Variants in ARL5A observed in about 807,000 individuals in gnomAD.
ARL5A encodes the protein ARF like GTPase 5A.
A neutral mutation model predicts 25.9 loss-of-function variants in ARL5A; 18 were observed. The observed-to-expected ratio is 0.69, with a 90% CI of 0.48 to 1.03. The LOEUF is 1.03. Ranked by LOEUF, ARL5A falls within the 50% of genes least tolerant of loss-of-function variation. ARL5A has a pLI of 0.00. For missense variants in ARL5A, 170 were observed against 211.9 expected, an observed-to-expected ratio of 0.80 and a Z score of 1.23; for synonymous variants, 61 against 67.5, an observed-to-expected ratio of 0.90 and a Z score of 0.47.
chr2:151,812,415 G>T lies in ARL5A; in HGVS notation c.281C>A (p.Thr94Lys). The change falls in exon 4 of 6, where the codon ACA becomes AAA. Residue 94 changes from threonine to lysine, a missense_variant. Thr to Lys is a moderately conservative substitution (Grantham distance 78). Coordinates refer to ENST00000295087, the MANE Select transcript of ARL5A (RefSeq NM_012097.4). Reference sequence around the variant, plus strand: ...AGTTACAGAAATCCTCTCTCTGTCTGTACTGTCCACAACAACTATTACAAA... The same window carrying T: ...AGTTACAGAAATCCTCTCTCTGTCTTTACTGTCCACAACAACTATTACAAA... ...TEFVIVVVDS[T>K]DRERISVTRE... 3 of 1,601,724 alleles carry T rather than the reference G, an allele frequency of 1.9e-6. No homozygotes were observed. The highest frequency in any genetic ancestry group is 2.6e-6 in the Non-Finnish European group (3 of 1,175,754).
Position 151,818,354 on chromosome 2 carries a change from C to T in ARL5A, c.47-3155G>A, listed in dbSNP as rs188219671. On this transcript the variant is annotated intron_variant, in intron 1 of 5. Coordinates refer to ENST00000295087, the MANE Select transcript of ARL5A (RefSeq NM_012097.4). ...ATTGCAGTATCACAATCACGGCTCA[C>T]TGTTGCCTCAACCTCCCAGGCTCAA... is the stretch of plus-strand genomic sequence containing the variant. Among the ~76,000 whole-genome samples the T allele has an allele frequency of 3.3e-4, 50 of 152,292 alleles. 1 individual carries two copies. The East Asian group carries it at 8.3e-3, about 25-fold the overall frequency.
At position 151,816,935 on chromosome 2, in the gene ARL5A, T is replaced by C. The variant is rs557407697; in HGVS notation, c.47-1736A>G. 1.9e-4 allele frequency among the ~76,000 whole-genome samples: 29 copies of C among 152,296 alleles called. No homozygotes were observed. The Middle Eastern group carries it at 0.014, about 71-fold the overall frequency. ...GGCTAATGTCTGTGTATTGAGCACA[T>C]TTAAGGTAGGCTAGGCTAAGCTATG... On this transcript the variant is annotated intron_variant, in intron 1 of 5. Coordinates refer to ENST00000295087, the MANE Select transcript of ARL5A (RefSeq NM_012097.4).
At chr2:151,809,600 G>C (rs575765341) in intron 4 of ARL5A, among the ~76,000 whole-genome samples, 3 of 152,228 alleles carry the variant, frequency 2.0e-5, no homozygotes, top group East Asian at 3.9e-4. Flanking sequence ...CTTAACAAGA[G>C]GTCAAAGTAT....
chr2:151,820,829 C>T (rs923891437), intron 1 of ARL5A, among the ~76,000 whole-genome samples: 4 of 152,052 alleles, frequency 2.6e-5, no homozygotes, highest in South Asian at 2.1e-4. Context: ...TAAGAATGTC[C>T]GGAAGTCCTA....
At chr2:151,814,099 T>C (rs2099831185) in intron 3 of ARL5A, 70 bp downstream of exon 3, 3 of 1,361,428 alleles carry the variant, frequency 2.2e-6, no homozygotes, top group Non-Finnish European at 9.9e-7. Flanking sequence ...AGATTAACTA[T>C]AAGGACTCAA....
At chr2:151,804,412 A>C (rs1259901798) in intron 5 of ARL5A, among the ~76,000 whole-genome samples, 1 of 152,218 alleles carries the variant, frequency 6.6e-6, no homozygotes, top group Non-Finnish European at 1.5e-5. Context: ...TGCAGACATA[A>C]AAAACTATGT....
chr2:151,810,007 C>T (rs550770688), intron 4 of ARL5A, among the ~76,000 whole-genome samples: 1 of 152,214 alleles, frequency 6.6e-6, no homozygotes, highest in South Asian at 2.1e-4. Context: ...TGCTTGAACC[C>T]AGAAGATGGA....
rs142135903 is a variant in ARL5A, at chr2:151,821,126, T to C, written c.47-5927A>G. ...GCTGCTCTACTCAGTCTCTAGAACA[T>C]GTCATAAACTTTCCAATCATTTAAC... On this transcript the variant is annotated intron_variant, in intron 1 of 5. Transcript: ENST00000295087. 9.9e-3 allele frequency among the ~76,000 whole-genome samples: 1,502 copies of C among 152,328 alleles called. 10 individuals are homozygous for C. Among genetic ancestry groups the C allele is most frequent in the South Asian group, 0.018 (89 of 4,828 alleles).
intron 1 of ARL5A, among the ~76,000 whole-genome samples, chr2:151,821,653 A>G (rs1045948448): frequency 3.9e-5 from 6 of 152,106 alleles, no homozygotes; most frequent in African/African-American, 1.4e-4. Context: ...TGCCCAGGCT[A>G]GAGTGCAGTG....
At chr2:151,818,963 G>A (rs76427378) in intron 1 of ARL5A, among the ~76,000 whole-genome samples, 3,714 of 151,900 alleles carry the variant, frequency 0.024, 171 homozygotes, top group African/African-American at 0.085. Context: ...TATTAGCTAC[G>A]GGGCAGAATT....
intron 1 of ARL5A, among the ~76,000 whole-genome samples, chr2:151,824,140 C>A (rs944949850): frequency 6.6e-6 from 1 of 152,120 alleles, no homozygotes; most frequent in Admixed American, 6.6e-5. Context: ...CTTCGAGTAC[C>A]CATGCAAAGA....
rs1300034636 is a variant in ARL5A at position 151,801,210 on chromosome 2, T to C, written c.*2066A>G. 1.3e-5 allele frequency: 2 copies of C among 152,584 alleles called. No individual in the cohort carries two copies. The highest frequency in any genetic ancestry group is 2.9e-5 in the Non-Finnish European group (2 of 68,008). 9.5% of individuals were successfully genotyped at this position (152,584 alleles called of 1,614,324 possible). A position where few individuals can be genotyped will look rare whatever the true frequency, so the allele number is the denominator to read the frequency against. On this transcript the variant is annotated 3_prime_UTR_variant, in exon 6 of 6. Coordinates refer to ENST00000295087, the MANE Select transcript of ARL5A (RefSeq NM_012097.4). ...TCATGATGTCATGTCAATAATCCAC[T>C]ACACTAAACCAACTGTAACAAGGTA...
rs1578375635 is a variant in ARL5A, at chr2:151,812,522, G to T, written c.256-82C>A. On this transcript the variant is annotated intron_variant, in intron 3 of 5. Transcript: ENST00000295087. ...TATAATGTGTTTATTTGACATACAG[G>T]CTATTAATATCAAGAAATTGGAATC... The T allele has an allele frequency of 1.1e-5, 9 of 835,044 alleles. No homozygotes were observed. In the East Asian group the frequency reaches 2.3e-4, roughly 22 times the overall value. The allele number at this position is 835,044 out of a possible 1,614,324, so 51.7% of individuals were successfully genotyped here. A position where few individuals can be genotyped will look rare whatever the true frequency, so the allele number is the denominator to read the frequency against.
chr2:151,805,367 C>T (rs2099829954), intron 5 of ARL5A, among the ~76,000 whole-genome samples: 1 of 152,082 alleles, frequency 6.6e-6, no homozygotes, highest in Admixed American at 6.6e-5. Context: ...AACAATTTCT[C>T]CCACTTCAGC....
intron 1 of ARL5A, among the ~76,000 whole-genome samples, chr2:151,819,814 G>T (rs1373799155): frequency 1.3e-5 from 2 of 151,860 alleles, no homozygotes; most frequent in Non-Finnish European, 2.9e-5. Flanking sequence ...CCAGCACTTT[G>T]GGAGGCCGAG....
rs1159747759 is a variant in ARL5A at position 151,799,678 on chromosome 2, T to A, written c.*3598A>T. The A allele has an allele frequency of 2.0e-5, 3 of 152,204 alleles. No homozygotes were observed. The highest frequency in any genetic ancestry group is 1.3e-4 in the Admixed American group (2 of 15,282). The allele number at this position is 152,204 out of a possible 1,614,324, so 9.4% of individuals were successfully genotyped here. ...ATTGGCATCTATATGCTATACACAC[T>A]GCAAGCTGGTCTTCTGATGGACTCC... is the stretch of plus-strand genomic sequence containing the variant. On this transcript the variant is annotated 3_prime_UTR_variant, in exon 6 of 6. Coordinates refer to ENST00000295087, the MANE Select transcript of ARL5A (RefSeq NM_012097.4).
In ARL5A at chr2:151,799,197, A is replaced by G. The variant is rs905845153; in HGVS notation, c.*4079T>C. On this transcript the variant is annotated 3_prime_UTR_variant, in exon 6 of 6. Coordinates refer to ENST00000295087, the MANE Select transcript of ARL5A (RefSeq NM_012097.4). ...TATTTTTGTGTAAGTGGAGCTTCAA[A>G]GACATATTTCTCTATCTGCATTTAC... The G allele has an allele frequency of 1.3e-5, 2 of 152,222 alleles. No individual in the cohort carries two copies. Among genetic ancestry groups the G allele is most frequent in the Non-Finnish European group, 2.9e-5 (2 of 68,030 alleles). The allele number at this position is 152,222 out of a possible 1,614,324, so 9.4% of individuals were successfully genotyped here.
chr2:151,812,376 T>C lies in ARL5A; in HGVS notation c.320A>G (p.Tyr107Cys), dbSNP rs2099830955. The C allele has an allele frequency of 3.1e-6, 5 of 1,605,398 alleles. No individual in the cohort carries two copies. Among genetic ancestry groups the C allele is most frequent in the African/African-American group, 1.3e-5 (1 of 74,760 alleles). Residue 107 changes from tyrosine to cysteine, a missense_variant, in exon 4 of 6, where the codon TAT (tyrosine) becomes TGT (cysteine). By Grantham distance (194) the Tyr-to-Cys change is radical. Coordinates refer to ENST00000295087, the MANE Select transcript of ARL5A (RefSeq NM_012097.4). ...ACTTACCTCATGCGCTAACATTTTA[T>C]AGAGTTCTTCTCTAGTTACAGAAAT... ...ERISVTREEL[Y>C]KMLAHEDLRK... is the part of the protein sequence containing the mutation.
chr2:151,812,482 G>C, intron 3 of ARL5A, 42 bp from the exon 4 acceptor site: 1 of 1,312,866 alleles, frequency 7.6e-7, no homozygotes, highest in Non-Finnish European at 1.0e-6. Context: ...TATACAATTT[G>C]GTATCTGTAA....
Sources: gnomAD v4.1 joint callset for allele counts (sites outside exome capture counted in the v4.1 genomes callset) on GRCh38, gnomAD v4.1.1 for gene constraint, MANE v1.5 for transcripts, NCBI Gene and HGNC (gene_info 2026-07-23, HGNC 2026-07-21) for gene names.